The following GRAMD1B variants were observed in gnomAD, a reference collection of about 807,000 sequenced individuals.
The protein encoded by GRAMD1B is protein Aster-B.
A neutral mutation model predicts 99.7 loss-of-function variants in GRAMD1B; 37 were observed. The ratio of observed to expected loss-of-function variants is 0.37; its 90% CI spans 0.29 to 0.49. The LOEUF is 0.49. GRAMD1B is among the 20% of genes least tolerant of loss of function. The pLI, the probability that GRAMD1B is intolerant of heterozygous loss-of-function variation, is 0.98. For synonymous variants in GRAMD1B, 427 were observed against 387.6 expected (o/e 1.10, Z -1.19); for missense variants, 888 against 1,009.2 (o/e 0.88, Z 1.63).
chr11:123,438,311 G>C (rs544564364), intron 1 of GRAMD1B, among the ~76,000 whole-genome samples: 1 of 152,270 alleles, frequency 6.6e-6, no homozygotes, highest in Non-Finnish European at 1.5e-5. Context: ...TCCAAAGCCT[G>C]AGCTCATTAC....
chr11:123,498,420 C>T (rs891282313), intron 2 of GRAMD1B, among the ~76,000 whole-genome samples: 18 of 152,222 alleles, frequency 1.2e-4, no homozygotes, highest in African/African-American at 2.7e-4. Context: ...TGGAGAATAA[C>T]GGAGGGGAGG....
chr11:123,454,159 C>A (rs890314381), intron 1 of GRAMD1B, among the ~76,000 whole-genome samples: 2 of 152,224 alleles, frequency 1.3e-5, no homozygotes, highest in African/African-American at 2.4e-5. Context: ...CTTCCTCTTA[C>A]ACACATTGGT....
At chr11:123,428,225 G>A (rs779672326), upstream of GRAMD1B, among the ~76,000 whole-genome samples, 21 of 152,114 alleles carry the variant, frequency 1.4e-4, no homozygotes, top group Admixed American at 3.3e-4. Flanking sequence ...CAAAACACTC[G>A]TCCTTGGAGG....
At chr11:123,471,213 T>C (rs1249143121) in intron 1 of GRAMD1B, among the ~76,000 whole-genome samples, 1 of 152,162 alleles carries the variant, frequency 6.6e-6, no homozygotes, top group Non-Finnish European at 1.5e-5. Flanking sequence ...CTCAGGAACA[T>C]ATAGTATTAT....
intron 1 of GRAMD1B, among the ~76,000 whole-genome samples, chr11:123,381,726 C>T (rs1224157668): frequency 6.6e-6 from 1 of 152,172 alleles, no homozygotes; most frequent in African/African-American, 2.4e-5. Context: ...ACGTGGTCAC[C>T]ATCTCTTGGA....
chr11:123,399,698 CT>C (rs1188063554), intron 1 of GRAMD1B, among the ~76,000 whole-genome samples: 1 of 152,128 alleles, frequency 6.6e-6, no homozygotes, highest in Non-Finnish European at 1.5e-5. Context: ...CAACCTCCGT[CT>C]CCCGAGTTCA....
intron 4 of GRAMD1B, among the ~76,000 whole-genome samples, chr11:123,590,786 T>C (rs1230185043): frequency 6.6e-6 from 1 of 151,942 alleles, no homozygotes; most frequent in Non-Finnish European, 1.5e-5. Context: ...CCGCCCAGGG[T>C]AGAGGTTGAT....
chr11:123,619,362 A>C, intron 19 of GRAMD1B, 138 bp downstream of exon 19: 2 of 1,519,190 alleles, frequency 1.3e-6, no homozygotes, highest in Non-Finnish European at 8.8e-7. Flanking sequence ...CAGGCCATGC[A>C]TTGTTCTAAA....
In GRAMD1B at chr11:123,613,497, T is replaced by G. The variant is rs1953893015; in HGVS notation, c.2066T>G (p.Met689Arg). The change falls in exon 16 of 20, where the codon ATG becomes AGG. Residue 689 changes from methionine to arginine, a missense_variant. Around this residue, in one of 5 missense-constraint regions of GRAMD1B, gnomAD observed 232 missense variants for 261.7 expected, o/e 0.89. Coordinates refer to ENST00000635736, the MANE Select transcript of GRAMD1B (RefSeq NM_001387025.1). Reference sequence around the variant, plus strand: ...ACGGAGAGCACTTATTTGGCTGAGATGCACAGACAATCTCCCAAAGAGAAG... The same window carrying G: ...ACGGAGAGCACTTATTTGGCTGAGAGGCACAGACAATCTCCCAAAGAGAAG... ...AKTESTYLAEMHRQSPKEKAS... is the reference protein window; with the variant it reads ...AKTESTYLAERHRQSPKEKAS... 1 of 1,613,142 alleles carries G rather than the reference T, an allele frequency of 6.2e-7. No individual in the cohort carries two copies. The highest frequency in any genetic ancestry group is 1.7e-4 in the Middle Eastern group (1 of 6,056).
At chr11:123,578,400 A>C in intron 3 of GRAMD1B, 1 of 1,528,270 alleles carries the variant, frequency 6.5e-7, no homozygotes, top group Non-Finnish European at 8.8e-7. Flanking sequence ...CTTTGCATGC[A>C]TGGTCTTAGT....
At chr11:123,535,796 C>T (rs954542222) in intron 2 of GRAMD1B, among the ~76,000 whole-genome samples, 1 of 151,214 alleles carries the variant, frequency 6.6e-6, no homozygotes, top group African/African-American at 2.4e-5. Context: ...CGTGTGAGGC[C>T]TTTTTTTTTC....
chr11:123,455,419 G>A (rs192221356), intron 1 of GRAMD1B, among the ~76,000 whole-genome samples: 266 of 152,162 alleles, frequency 1.7e-3, no homozygotes, highest in Admixed American at 5.0e-3. Flanking sequence ...GAGCCACCGC[G>A]CCTGGCCAGA....
At chr11:123,542,485 C>T (rs1243663205) in intron 2 of GRAMD1B, among the ~76,000 whole-genome samples, 2 of 152,168 alleles carry the variant, frequency 1.3e-5, no homozygotes, top group African/African-American at 4.8e-5. Flanking sequence ...GAGAATTCCA[C>T]GGGATGCTGG....
intron 14 of GRAMD1B, among the ~76,000 whole-genome samples, chr11:123,611,871 A>T (rs975192236): frequency 1.3e-5 from 2 of 151,954 alleles, no homozygotes; most frequent in African/African-American, 4.8e-5. Context: ...ATGGGGCGGG[A>T]TGGATTAGCT....
intron 1 of GRAMD1B, among the ~76,000 whole-genome samples, chr11:123,438,844 G>C (rs1565499942): frequency 6.6e-6 from 1 of 152,206 alleles, no homozygotes. Context: ...AGAAGTTAAG[G>C]AGTCTGAATG....
intron 2 of GRAMD1B, among the ~76,000 whole-genome samples, chr11:123,540,834 T>A (rs931008971): frequency 2.6e-5 from 4 of 152,204 alleles, no homozygotes; most frequent in Non-Finnish European, 4.4e-5. Flanking sequence ...AAGTGTTGGT[T>A]TTCATAGTTA....
At chr11:123,396,301 G>A (rs1947461373) in intron 1 of GRAMD1B, among the ~76,000 whole-genome samples, 1 of 145,238 alleles carries the variant, frequency 6.9e-6, no homozygotes, top group Admixed American at 7.1e-5. Context: ...TTGAGACAGA[G>A]CTTAGCTCTT....
intron 1 of GRAMD1B, among the ~76,000 whole-genome samples, chr11:123,375,341 T>C (rs924554564): frequency 6.6e-6 from 1 of 152,130 alleles, no homozygotes; most frequent in Non-Finnish European, 1.5e-5. Context: ...GAAGGATGCC[T>C]TGAGGCCAGG....
At chr11:123,425,846 A>G (rs1320761161), upstream of GRAMD1B, among the ~76,000 whole-genome samples, 3 of 152,188 alleles carry the variant, frequency 2.0e-5, no homozygotes, top group East Asian at 5.8e-4. Flanking sequence ...GACCCTTCTT[A>G]AAGTAGTGAG....
Sources: gnomAD v4.1 joint callset for allele counts (sites outside exome capture counted in the v4.1 genomes callset) on GRCh38, gnomAD v4.1.1 for gene constraint, gnomAD v4.1.1 regional missense constraint, MANE v1.5 for transcripts, NCBI Gene and HGNC (gene_info 2026-07-23, HGNC 2026-07-21) for gene names.